The following NEK10 variants were observed in gnomAD, a reference collection of about 807,000 sequenced individuals.
The protein encoded by NEK10 is serine/threonine-protein kinase Nek10.
NEK10 carries 122 observed loss-of-function variants against 159.8 expected under a neutral mutation model. The ratio of observed to expected loss-of-function variants is 0.76; its 90% CI spans 0.66 to 0.89. The LOEUF is 0.89. NEK10 is among the 40% of genes least tolerant of loss of function. NEK10 has a pLI of 0.00. For synonymous variants in NEK10, 466 were observed against 457.1 expected (o/e 1.02, Z -0.25); for missense variants, 1,342 against 1,323.1 (o/e 1.01, Z -0.22).
chr3:27,347,378 T>C (rs2047631900), intron 3 of NEK10, among the ~76,000 whole-genome samples: 1 of 151,914 alleles, frequency 6.6e-6, no homozygotes, highest in East Asian at 1.9e-4. Context: ...GGCACATGCC[T>C]GTAATCCCAG....
rs184707127 is a variant in NEK10 at position 27,232,886 on chromosome 3, T to A, written c.2090+23410A>T. Among the ~76,000 whole-genome samples, 42 of 152,096 alleles carry A rather than the reference T, an allele frequency of 2.8e-4. 1 individual carries two copies. In the East Asian group the frequency reaches 8.1e-3, roughly 29 times the overall value. On this transcript the variant is annotated intron_variant, in intron 23 of 35. Transcript: ENST00000691995. ...GTAGAAGAATAAAACTGGATCCCCA[T>A]CTCTCACCTTAAACAAAAATCAAAT...
At chr3:27,143,042 TAGAA>T (rs1371250855) in intron 30 of NEK10, among the ~76,000 whole-genome samples, 8 of 152,152 alleles carry the variant, frequency 5.3e-5, no homozygotes, top group African/African-American at 1.4e-4. Context: ...AAGAGGCAAA[TAGAA>T]AGAGTTAATG....
chr3:27,237,033 C>T (rs1397846503), intron 23 of NEK10, among the ~76,000 whole-genome samples: 6 of 152,120 alleles, frequency 3.9e-5, no homozygotes, highest in Non-Finnish European at 8.8e-5. Flanking sequence ...GGAATGCATT[C>T]CTTCCCCTGG....
chr3:27,201,359 C>G lies in NEK10; in HGVS notation c.2291+151G>C, dbSNP rs1431477858. Reference sequence around the variant, plus strand: ...CACTTAAGTAGCATCCAAATAGTCACTGTTACTGATGATGCACAAACATCT... The same window carrying G: ...CACTTAAGTAGCATCCAAATAGTCAGTGTTACTGATGATGCACAAACATCT... On this transcript the variant is annotated intron_variant, in intron 25 of 35. Coordinates refer to ENST00000691995, the MANE Select transcript of NEK10 (RefSeq NM_001394966.1). 27 of 652,706 alleles carry G rather than the reference C, an allele frequency of 4.1e-5. No individual in the cohort carries two copies. The South Asian group carries it at 5.0e-4, about 12-fold the overall frequency. 40.4% of individuals were successfully genotyped at this position (652,706 alleles called of 1,614,324 possible).
intron 22 of NEK10, chr3:27,278,920 G>A (rs970833259): frequency 2.0e-6 from 2 of 985,116 alleles, no homozygotes; most frequent in Non-Finnish European, 2.4e-6. Context: ...CCACTGAATC[G>A]GGGTCTGTTT....
chr3:27,190,318 T>C (rs1035285114), intron 26 of NEK10, among the ~76,000 whole-genome samples: 1 of 152,160 alleles, frequency 6.6e-6, no homozygotes, highest in Admixed American at 6.5e-5. Flanking sequence ...ATGGAAATAC[T>C]GATAGAGGAA....
chr3:27,332,142 A>G (rs1441277218), intron 5 of NEK10, among the ~76,000 whole-genome samples: 1 of 152,184 alleles, frequency 6.6e-6, no homozygotes, highest in Admixed American at 6.5e-5. Flanking sequence ...TTTCATATTA[A>G]AGAGCAGGAG....
chr3:27,304,878 C>T lies in NEK10; in HGVS notation c.897G>A (p.Leu299=). The change falls in exon 12 of 36, where the codon CTG becomes CTA. Residue 299 remains leucine, a synonymous_variant. Coordinates refer to ENST00000691995, the MANE Select transcript of NEK10 (RefSeq NM_001394966.1). The part of the protein sequence containing the change: ...LYEGIPVLLS[L]LHSDHLKLLW... ...GGAGCTTCAAGTGGTCAGAGTGGAGCAGACTGAGGAGGACCGGTATCCCCT... is the reference window on the plus strand; with the variant it reads ...GGAGCTTCAAGTGGTCAGAGTGGAGTAGACTGAGGAGGACCGGTATCCCCT... 1 of 1,613,576 alleles carries T rather than the reference C, an allele frequency of 6.2e-7. No individual in the cohort carries two copies. Among genetic ancestry groups the T allele is most frequent in the South Asian group, 1.1e-5 (1 of 91,060 alleles).
intron 5 of NEK10, among the ~76,000 whole-genome samples, chr3:27,343,573 G>A (rs2047350468): frequency 6.6e-6 from 1 of 152,142 alleles, no homozygotes; most frequent in African/African-American, 2.4e-5. Flanking sequence ...CAAAAGACAA[G>A]ACCCTATAAT....
intron 23 of NEK10, among the ~76,000 whole-genome samples, chr3:27,253,710 C>T (rs1395758615): frequency 6.6e-6 from 1 of 152,058 alleles, no homozygotes; most frequent in Non-Finnish European, 1.5e-5. Flanking sequence ...ACTCTGGGGA[C>T]CCTGCAGGGA....
At chr3:27,287,647 T>A in intron 20 of NEK10, 51 bp downstream of exon 20, 1 of 1,536,314 alleles carries the variant, frequency 6.5e-7, no homozygotes, top group South Asian at 1.2e-5. Context: ...CAAAAATATA[T>A]GTGACAAAAA....
chr3:27,314,322 A>G lies in NEK10; in HGVS notation c.464T>C (p.Leu155Ser). The change falls in exon 7 of 36, where the codon TTG becomes TCG. Residue 155 changes from leucine (L) to serine (S), a missense_variant. Physicochemically the swap from Leu to Ser is moderately radical, Grantham distance 145. Transcript: ENST00000691995. ...DPCYQEILHS[L>S]GGIENLAQYM... ...CTGAGCTAGGTTTTCAATCCCACCC[A>G]AGCTATGGAGTATTTCCTAATAAAA... 6.2e-7 allele frequency: 1 copy of G among 1,601,810 alleles called. No homozygotes were observed. The highest frequency in any genetic ancestry group is 8.5e-7 in the Non-Finnish European group (1 of 1,172,342).
chr3:27,223,028 TA>T (rs1952275506), intron 23 of NEK10, among the ~76,000 whole-genome samples: 2 of 152,296 alleles, frequency 1.3e-5, no homozygotes, highest in Admixed American at 6.5e-5. Context: ...GAGGTATAAT[TA>T]ATAATTAATA....
rs1396116711 is a variant in NEK10 at position 27,284,710 on chromosome 3, A to T, written c.1912-6T>A. Reference sequence around the variant, plus strand: ...TATCGAAGAGCTAAGCACAGCTTGAAACAATGAATAGAAAACAAATTTTAT... The same window carrying T: ...TATCGAAGAGCTAAGCACAGCTTGATACAATGAATAGAAAACAAATTTTAT... On this transcript the variant is annotated splice_region_variant and splice_polypyrimidine_tract_variant and intron_variant, in intron 21 of 35. Transcript: ENST00000691995. The T allele has an allele frequency of 6.3e-7, 1 of 1,597,452 alleles. No individual in the cohort carries two copies. Among genetic ancestry groups the T allele is most frequent in the Non-Finnish European group, 8.6e-7 (1 of 1,165,086 alleles).
chr3:27,357,357 G>T (rs934663132), intron 1 of NEK10, among the ~76,000 whole-genome samples: 1 of 152,050 alleles, frequency 6.6e-6, no homozygotes, highest in Admixed American at 6.5e-5. Context: ...TCAACAAATC[G>T]CTCATAAAAC....
At chr3:27,162,111 T>C (rs1946066032) in intron 30 of NEK10, among the ~76,000 whole-genome samples, 1 of 152,206 alleles carries the variant, frequency 6.6e-6, no homozygotes, top group Non-Finnish European at 1.5e-5. Flanking sequence ...ATTCTACATG[T>C]ATCATGTAGG....
intron 22 of NEK10, among the ~76,000 whole-genome samples, chr3:27,263,791 T>G (rs928665995): frequency 6.6e-6 from 1 of 152,162 alleles, no homozygotes; most frequent in African/African-American, 2.4e-5. Flanking sequence ...TCGCCCTGCT[T>G]TGGCTCATGC....
chr3:27,279,691 A>T (rs1053791422), intron 22 of NEK10, among the ~76,000 whole-genome samples: 3 of 152,210 alleles, frequency 2.0e-5, no homozygotes, highest in African/African-American at 7.2e-5. Context: ...TAATGGGAGT[A>T]CATGAATGCC....
chr3:27,331,405 G>A (rs917513183), intron 5 of NEK10, among the ~76,000 whole-genome samples: 1 of 152,030 alleles, frequency 6.6e-6, no homozygotes, highest in East Asian at 1.9e-4. Flanking sequence ...CCTTTCTTAG[G>A]CAATAAGGAA....
Sources: gnomAD v4.1 joint callset for allele counts (sites outside exome capture counted in the v4.1 genomes callset) on GRCh38, gnomAD v4.1.1 for gene constraint, MANE v1.5 for transcripts, NCBI Gene and HGNC (gene_info 2026-07-23, HGNC 2026-07-21) for gene names.